The following NRG3 variants were observed in gnomAD, a reference collection of about 807,000 sequenced individuals.
NRG3 encodes pro-neuregulin-3, membrane-bound isoform.
In NRG3, 31 loss-of-function variants were observed where a neutral mutation model predicts 66.9. The observed-to-expected ratio is 0.46, with a 90% confidence interval of 0.35 to 0.63. NRG3 has a LOEUF of 0.63. Ranked by LOEUF, NRG3 falls within the 20% of genes least tolerant of loss-of-function variation. The pLI is 0.00. For missense variants in NRG3, 910 were observed against 878.9 expected (o/e 1.04, Z -0.45); for synonymous variants, 393 against 359.4 (o/e 1.09, Z -1.06).
chr10:82,602,071 A>G (rs148663077), intron 2 of NRG3, among the ~76,000 whole-genome samples: 1 of 151,526 alleles, frequency 6.6e-6, no homozygotes, highest in African/African-American at 2.4e-5. Context: ...TGACAGAGTG[A>G]AGCCCTGTCT....
At chr10:82,063,751 GAAAGAAAGTAAACTGGGAA>G in intron 1 of NRG3, among the ~76,000 whole-genome samples, 1 of 152,068 alleles carries the variant, frequency 6.6e-6, no homozygotes, top group South Asian at 2.1e-4. Flanking sequence ...AAGAACTAAA[GAAAGAAAGTAAACTGGGAA>G]CTAAAGAAAG....
At chr10:82,898,704 A>T (rs937857939) in intron 4 of NRG3, among the ~76,000 whole-genome samples, 1 of 146,124 alleles carries the variant, frequency 6.8e-6, no homozygotes, top group Non-Finnish European at 1.5e-5. Context: ...ATAGAAGGCC[A>T]GGAGTTTTAC....
chr10:82,076,860 A>G (rs1158851299), intron 1 of NRG3, among the ~76,000 whole-genome samples: 1 of 152,228 alleles, frequency 6.6e-6, no homozygotes, highest in Non-Finnish European at 1.5e-5. Flanking sequence ...AGTCTCAGGT[A>G]TTCCTCTATA....
intron 2 of NRG3, among the ~76,000 whole-genome samples, chr10:82,511,313 A>G (rs566700093): frequency 3.3e-5 from 5 of 152,328 alleles, no homozygotes; most frequent in Admixed American, 2.6e-4. Context: ...CTGTGTCCCC[A>G]ATTTGTGCAC....
intron 5 of NRG3, among the ~76,000 whole-genome samples, chr10:82,953,666 T>C (rs1157121208): frequency 6.6e-6 from 1 of 151,932 alleles, no homozygotes; most frequent in Non-Finnish European, 1.5e-5. Context: ...TTATAGAATT[T>C]TGTTAAGGAT....
intron 1 of NRG3, among the ~76,000 whole-genome samples, chr10:82,325,022 G>C (rs117028133): frequency 1.3e-5 from 2 of 152,110 alleles, no homozygotes; most frequent in African/African-American, 4.8e-5. Context: ...AGATTATAAT[G>C]GTGGATTTGT....
chr10:82,585,187 A>G (rs2046600717), intron 2 of NRG3, among the ~76,000 whole-genome samples: 1 of 152,080 alleles, frequency 6.6e-6, no homozygotes, highest in Non-Finnish European at 1.5e-5. Flanking sequence ...TTTAATCTTA[A>G]TTACTTTTCC....
chr10:82,935,344 C>A (rs1035797022), intron 4 of NRG3, among the ~76,000 whole-genome samples: 20 of 152,170 alleles, frequency 1.3e-4, no homozygotes, highest in Non-Finnish European at 2.6e-4. Flanking sequence ...TTTCCACACA[C>A]CTTACAGATG....
chr10:82,261,345 A>G (rs2078020996), intron 1 of NRG3, among the ~76,000 whole-genome samples: 1 of 152,130 alleles, frequency 6.6e-6, no homozygotes, highest in Admixed American at 6.5e-5. Context: ...CCATGATTGT[A>G]AGTTTCCTGA....
At chr10:82,572,481 C>T (rs1377501632) in intron 2 of NRG3, among the ~76,000 whole-genome samples, 1 of 151,644 alleles carries the variant, frequency 6.6e-6, no homozygotes, top group Non-Finnish European at 1.5e-5. Flanking sequence ...AGGCCCTTTG[C>T]AGTAATAGTT....
intron 3 of NRG3, among the ~76,000 whole-genome samples, chr10:82,791,715 T>G (rs1025169296): frequency 6.6e-6 from 1 of 152,214 alleles, no homozygotes; most frequent in African/African-American, 2.4e-5. Flanking sequence ...TATTTTCATC[T>G]TAAGCTTTTT....
At position 82,979,022 on chromosome 10, in the gene NRG3, C is replaced by G. The variant is rs749878937; in HGVS notation, c.1485C>G (p.Pro495=). The G allele has an allele frequency of 6.2e-7, 1 of 1,614,056 alleles. No individual in the cohort carries two copies. The highest frequency in any genetic ancestry group is 1.1e-5 in the South Asian group (1 of 91,078). Residue 495 remains proline (P), a synonymous_variant, in exon 8 of 9, where the codon CCC becomes CCG. Transcript: ENST00000372141. ...MLHRNAFRRT[P]PSPRSRLGGI... Reference sequence around the variant, plus strand: ...ATAGGAATGCCTTCAGAAGGACACCCCCGTCACCCCGAAGTAGGCTAGGTG... The same window carrying G: ...ATAGGAATGCCTTCAGAAGGACACCGCCGTCACCCCGAAGTAGGCTAGGTG...
At chr10:81,922,052 C>T (rs530326145) in intron 1 of NRG3, among the ~76,000 whole-genome samples, 12 of 151,986 alleles carry the variant, frequency 7.9e-5, no homozygotes, top group East Asian at 1.9e-4. Context: ...AAATGGAATG[C>T]CCCAGGTATT....
intron 1 of NRG3, among the ~76,000 whole-genome samples, chr10:82,030,229 C>T (rs1162087951): frequency 2.6e-5 from 4 of 152,028 alleles, no homozygotes; most frequent in Non-Finnish European, 4.4e-5. Context: ...GAGATTCTTA[C>T]TTAATGAGAT....
chr10:81,973,427 A>G (rs2060003845), intron 1 of NRG3, among the ~76,000 whole-genome samples: 1 of 152,192 alleles, frequency 6.6e-6, no homozygotes, highest in African/African-American at 2.4e-5. Context: ...TATACCCAGT[A>G]ATGGGATTGT....
At chr10:82,343,722 T>A (rs1335968891) in intron 1 of NRG3, among the ~76,000 whole-genome samples, 1 of 152,090 alleles carries the variant, frequency 6.6e-6, no homozygotes, top group Non-Finnish European at 1.5e-5. Flanking sequence ...TGTTAAGAAA[T>A]TACAATAATT....
chr10:81,943,223 A>G (rs925781623), intron 1 of NRG3, among the ~76,000 whole-genome samples: 7 of 152,090 alleles, frequency 4.6e-5, no homozygotes, highest in Admixed American at 3.3e-4. Context: ...TTCTACAAAC[A>G]TGAAAAAAAT....
intron 2 of NRG3, among the ~76,000 whole-genome samples, chr10:82,375,740 G>A (rs531121669): frequency 6.6e-6 from 1 of 152,232 alleles, no homozygotes; most frequent in South Asian, 2.1e-4. Context: ...AGCTCCAGTG[G>A]ACCTTAATTT....
At chr10:82,717,559 T>C (rs1180495750) in intron 2 of NRG3, among the ~76,000 whole-genome samples, 1 of 151,756 alleles carries the variant, frequency 6.6e-6, no homozygotes, top group Non-Finnish European at 1.5e-5. Flanking sequence ...GCCACCACGC[T>C]TGGTTAATTT....
Sources: allele counts gnomAD v4.1 joint callset (sites outside exome capture counted in the v4.1 genomes callset), GRCh38; gene constraint gnomAD v4.1.1; transcripts MANE v1.5; gene names NCBI Gene and HGNC (gene_info 2026-07-23, HGNC 2026-07-21).